SLC39A10: variants seen among roughly 807,000 people sequenced by gnomAD.
SLC39A10 encodes zinc transporter ZIP10.
SLC39A10 carries 13 observed loss-of-function variants against 65.1 expected under a neutral mutation model. The ratio of observed to expected loss-of-function variants is 0.20; its 90% CI spans 0.13 to 0.32. The LOEUF (loss-of-function observed/expected upper bound fraction) is 0.32. Ranked by LOEUF, SLC39A10 falls within the 10% of genes least tolerant of loss-of-function variation. The pLI, the probability that SLC39A10 is intolerant of heterozygous loss-of-function variation, is 1.00. For synonymous variants in SLC39A10, 321 were observed against 342.2 expected, an observed-to-expected ratio of 0.94 and a Z score of 0.68; for missense variants, 831 against 1,018.4, an observed-to-expected ratio of 0.82 and a Z score of 2.50.
rs1362072919 is a variant in SLC39A10 at position 195,728,046 on chromosome 2, ACT to A, written c.2147-112_2147-111del. On this transcript the variant is annotated intron_variant, in intron 8 of 9. Transcript: ENST00000359634. The surrounding 1 kb of genome is among the most constrained non-coding windows in gnomAD (Gnocchi z 4.4). ...AAATATTTTATATATCACATAAAAT[ACT>A]GTTATTAAAAGTGTGTATCTTTTTA... 3 of 922,468 alleles carry A rather than the reference ACT, an allele frequency of 3.3e-6. No homozygotes were observed. The East Asian group carries it at 7.9e-5, about 24-fold the overall frequency. The allele number at this position is 922,468 out of a possible 1,614,324, so 57.1% of individuals were successfully genotyped here. A position where few individuals can be genotyped will look rare whatever the true frequency, so the allele number is the denominator to read the frequency against.
chr2:195,734,864 T>C lies in SLC39A10; in HGVS notation c.2338-19T>C. On this transcript the variant is annotated intron_variant, in intron 9 of 9. Coordinates refer to ENST00000359634, the MANE Select transcript of SLC39A10 (RefSeq NM_020342.3). ...CAGAAGTATTATACAAAGTTTAATG[T>C]GAAGATTTATTTTTCTAGCTTCCAG... 1 of 1,586,312 alleles carries C rather than the reference T, an allele frequency of 6.3e-7. No individual in the cohort carries two copies. The highest frequency in any genetic ancestry group is 1.4e-5 in the African/African-American group (1 of 73,470).
chr2:195,698,668 G>A (rs1691067914), intron 3 of SLC39A10, among the ~76,000 whole-genome samples: 1 of 151,014 alleles, frequency 6.6e-6, no homozygotes, highest in African/African-American at 2.4e-5. Context: ...ATTTAGTCAG[G>A]TTGTATAATC....
At chr2:195,645,392 AACTT>A (rs1218449028) in intron 2 of SLC39A10, among the ~76,000 whole-genome samples, 2 of 152,208 alleles carry the variant, frequency 1.3e-5, no homozygotes, top group African/African-American at 4.8e-5. Flanking sequence ...TAATTCTGGA[AACTT>A]ATTCTCAAAA....
intron 2 of SLC39A10, among the ~76,000 whole-genome samples, chr2:195,648,598 AG>A (rs755213615): frequency 3.0e-4 from 46 of 152,122 alleles, no homozygotes; most frequent in Admixed American, 5.2e-4. Flanking sequence ...GGATCACTTG[AG>A]TTTGGGAGGT....
intron 2 of SLC39A10, among the ~76,000 whole-genome samples, chr2:195,643,401 G>A (rs1452997881): frequency 6.6e-6 from 1 of 152,166 alleles, no homozygotes; most frequent in East Asian, 1.9e-4. Context: ...TTCTTTCACA[G>A]TATTCATCCT....
At chr2:195,656,981 C>T (rs950739713), upstream of SLC39A10, 2 of 152,290 alleles carry the variant, frequency 1.3e-5, no homozygotes, top group Non-Finnish European at 2.9e-5. Flanking sequence ...ACTTGAATTT[C>T]CTATTCCTCG....
intron 2 of SLC39A10, among the ~76,000 whole-genome samples, chr2:195,625,665 A>G (rs919479663): frequency 6.6e-6 from 1 of 152,120 alleles, no homozygotes; most frequent in Admixed American, 6.5e-5. Flanking sequence ...TAAGTACCTA[A>G]TTGTGTGCAA....
Position 195,716,984 on chromosome 2 carries a change from T to C in SLC39A10, c.2044T>C (p.Phe682Leu), listed in dbSNP as rs1310297077. 6.2e-7 allele frequency: 1 copy of C among 1,613,926 alleles called. No homozygotes were observed. The highest frequency in any genetic ancestry group is 1.1e-5 in the South Asian group (1 of 91,044). Residue 682 changes from phenylalanine (F) to leucine (L), a missense_variant, in exon 7 of 10, where the codon TTC becomes CTC. This residue lies in a region of SLC39A10 where 120 missense variants were observed against 203.9 expected (regional missense o/e 0.59). Transcript: ENST00000359634. ...MVIMGDGIHN[F>L]SDGLAIGAAF... ...GATCATGGGGGATGGCATCCACAAC[T>C]TCAGTGATGGGCTCGCAATTGGTAA... is the stretch of plus-strand genomic sequence containing the variant.
chr2:195,657,095 A>C (rs1045164208), upstream of SLC39A10: 2 of 152,402 alleles, frequency 1.3e-5, no homozygotes, highest in Admixed American at 1.3e-4. Context: ...CGTAGCACCC[A>C]TAGGCGGACG....
chr2:195,713,589 C>A, intron 6 of SLC39A10, 36 bp downstream of exon 6: 1 of 1,224,198 alleles, frequency 8.2e-7, no homozygotes. Flanking sequence ...AAACTTTTTT[C>A]TTTTTTTTTT....
rs1692348094 is a variant in SLC39A10 at position 195,729,188 on chromosome 2, C to T, written c.2337+839C>T. ...ATAGAGATAGGGTCTTTCTATGTTGCCCAGGCTGGTCTCAAACTCCTGGGC... is the reference window on the plus strand; with the variant it reads ...ATAGAGATAGGGTCTTTCTATGTTGTCCAGGCTGGTCTCAAACTCCTGGGC... On this transcript the variant is annotated intron_variant, in intron 9 of 9. Transcript: ENST00000359634. Among the ~76,000 whole-genome samples, 3 of 151,940 alleles carry T rather than the reference C, an allele frequency of 2.0e-5. No individual in the cohort carries two copies. In the South Asian group the frequency reaches 6.2e-4, roughly 32 times the overall value.
At chr2:195,652,682 A>C (rs935875017), upstream of SLC39A10, among the ~76,000 whole-genome samples, 11 of 151,204 alleles carry the variant, frequency 7.3e-5, no homozygotes, top group African/African-American at 2.7e-4. Context: ...ACCAGACTTT[A>C]AAAGACGCCA....
chr2:195,651,202 T>C (rs992535390), intron 2 of SLC39A10, among the ~76,000 whole-genome samples: 1 of 152,028 alleles, frequency 6.6e-6, no homozygotes, highest in Non-Finnish European at 1.5e-5. Flanking sequence ...AAAAATGAGA[T>C]GGTAGAGCCA....
At chr2:195,688,315 G>GT (rs796472370) in intron 3 of SLC39A10, among the ~76,000 whole-genome samples, 4 of 151,870 alleles carry the variant, frequency 2.6e-5, no homozygotes, top group South Asian at 4.2e-4. Context: ...ACCACCATTG[G>GT]TTTTTTTTCC....
intron 1 of SLC39A10, among the ~76,000 whole-genome samples, chr2:195,664,024 T>C (rs538303576): frequency 9.5e-4 from 144 of 152,172 alleles, no homozygotes; most frequent in African/African-American, 3.2e-3. Context: ...GCACATACAG[T>C]GTACATATAG....
rs1275660946 is a variant in SLC39A10, at chr2:195,657,227, C to T, written c.-66C>T. 2 of 233,816 alleles carry T rather than the reference C, an allele frequency of 8.6e-6. No homozygotes were observed. The highest frequency in any genetic ancestry group is 2.3e-5 in the African/African-American group (1 of 42,960). 14.5% of individuals were successfully genotyped at this position (233,816 alleles called of 1,614,324 possible). A position where few individuals can be genotyped will look rare whatever the true frequency, so the allele number is the denominator to read the frequency against. On this transcript the variant is annotated 5_prime_UTR_variant, in exon 1 of 10. Transcript: ENST00000359634. ...GCTTTGGTGAATACACGATTTGGTG[C>T]AGCCGGGGTTTGGTACCGAGCGGAG...
intron 2 of SLC39A10, among the ~76,000 whole-genome samples, chr2:195,635,842 G>C (rs1688687866): frequency 6.6e-6 from 1 of 151,974 alleles, no homozygotes; most frequent in Non-Finnish European, 1.5e-5. Context: ...GATAATGAAA[G>C]GATTTGTCTG....
intron 1 of SLC39A10, among the ~76,000 whole-genome samples, chr2:195,672,304 C>T (rs1689896862): frequency 6.6e-6 from 1 of 151,822 alleles, no homozygotes; most frequent in South Asian, 2.1e-4. Context: ...TAATTTTTTA[C>T]TTTTTTTGTA....
At chr2:195,659,192 C>T (rs187257067) in intron 1 of SLC39A10, among the ~76,000 whole-genome samples, 3 of 152,188 alleles carry the variant, frequency 2.0e-5, no homozygotes, top group Admixed American at 1.3e-4. Flanking sequence ...CGTACATAGA[C>T]GCCTGGATAA....
Sources: gnomAD v4.1 joint callset for allele counts (sites outside exome capture counted in the v4.1 genomes callset) on GRCh38, gnomAD v4.1.1 for gene constraint, gnomAD v4.1.1 regional missense constraint, Gnocchi (gnomAD v3.1) non-coding constraint, MANE v1.5 for transcripts, NCBI Gene and HGNC (gene_info 2026-07-23, HGNC 2026-07-21) for gene names.